Variants in SOCS5 observed in about 807,000 individuals in gnomAD.
SOCS5 encodes the protein suppressor of cytokine signaling 5, also known as CIS-6.
In SOCS5, 32 loss-of-function variants were observed where a neutral mutation model predicts 42.8. The observed-to-expected ratio is 0.75, with a 90% CI of 0.56 to 1.01. The LOEUF (loss-of-function observed/expected upper bound fraction) is 1.01. SOCS5 is among the 50% of genes least tolerant of loss of function. The pLI, the probability that SOCS5 is intolerant of heterozygous loss-of-function variation, is 0.00. For synonymous variants in SOCS5, 283 were observed against 229.6 expected, an observed-to-expected ratio of 1.23 and a Z score of -2.10; for missense variants, 627 against 653.0, an observed-to-expected ratio of 0.96 and a Z score of 0.43.
At chr2:46,707,478 G>C (rs1477721480) in intron 1 of SOCS5, among the ~76,000 whole-genome samples, 5 of 152,160 alleles carry the variant, frequency 3.3e-5, no homozygotes, top group African/African-American at 1.2e-4. Context: ...TAGATGATTA[G>C]AAATGAAAGG....
upstream of SOCS5, chr2:46,699,179 A>G (rs2103679701): frequency 6.7e-6 from 1 of 148,196 alleles, no homozygotes; most frequent in East Asian, 2.2e-4. The surrounding 1 kb of genome is among the most constrained non-coding windows in gnomAD (Gnocchi z 4.8). Flanking sequence ...GGTATTTTCC[A>G]TTCTGGTGGG....
At chr2:46,726,800 A>G (rs1673002355) in intron 1 of SOCS5, among the ~76,000 whole-genome samples, 2 of 151,312 alleles carry the variant, frequency 1.3e-5, no homozygotes, top group Admixed American at 6.6e-5. Flanking sequence ...CTTGTTGCCC[A>G]GGCTGGAGTG....
At chr2:46,735,922 T>C (rs1285852241) in intron 1 of SOCS5, among the ~76,000 whole-genome samples, 2 of 152,162 alleles carry the variant, frequency 1.3e-5, no homozygotes, top group African/African-American at 4.8e-5. Context: ...AATATGATTC[T>C]CTGTGTTATA....
intron 1 of SOCS5, among the ~76,000 whole-genome samples, chr2:46,749,536 A>G (rs1019388715): frequency 6.6e-6 from 1 of 152,234 alleles, no homozygotes; most frequent in Non-Finnish European, 1.5e-5. Flanking sequence ...TTAGTATATT[A>G]CATAAGATAT....
At chr2:46,713,416 T>C (rs554571542) in intron 1 of SOCS5, among the ~76,000 whole-genome samples, 7 of 152,340 alleles carry the variant, frequency 4.6e-5, no homozygotes, top group African/African-American at 1.4e-4. Context: ...TTTGGTAATT[T>C]GCATTTTGGA....
At chr2:46,747,680 A>AT (rs1340208909) in intron 1 of SOCS5, among the ~76,000 whole-genome samples, 1 of 152,164 alleles carries the variant, frequency 6.6e-6, no homozygotes, top group Non-Finnish European at 1.5e-5. Flanking sequence ...CTATAACCAC[A>AT]TCCCCAACCC....
chr2:46,744,820 G>A (rs912229294), intron 1 of SOCS5, among the ~76,000 whole-genome samples: 3 of 151,538 alleles, frequency 2.0e-5, no homozygotes, highest in Non-Finnish European at 4.4e-5. Context: ...GAGCCACCGC[G>A]CCCGGCTGTA....
rs926817127 is a variant in SOCS5 at position 46,711,935 on chromosome 2, G to A, written c.-13+12486G>A. 1.6e-4 allele frequency among the ~76,000 whole-genome samples: 25 copies of A among 152,160 alleles called. 1 individual carries two copies. Among genetic ancestry groups the A allele is most frequent in the African/African-American group, 6.0e-4 (25 of 41,434 alleles). ...TCTCTAAACTCTATTCTGTTCATCT[G>A]TTTGTCTTTCTGCCACTATGACACT... On this transcript the variant is annotated intron_variant, in intron 1 of 1. Coordinates refer to ENST00000394861, the MANE Select transcript of SOCS5 (RefSeq NM_144949.3).
intron 1 of SOCS5, among the ~76,000 whole-genome samples, chr2:46,727,298 G>C (rs987984708): frequency 6.6e-6 from 1 of 152,020 alleles, no homozygotes. Flanking sequence ...TTTTATAATA[G>C]CTGCTTTAAA....
intron 1 of SOCS5, among the ~76,000 whole-genome samples, chr2:46,736,752 C>T (rs1375367175): frequency 1.3e-5 from 2 of 152,160 alleles, no homozygotes; most frequent in Admixed American, 6.5e-5. Context: ...TGTGCTACCC[C>T]TAAACACCTA....
chr2:46,761,126 A>G lies in SOCS5; in HGVS notation c.*985A>G, dbSNP rs1365381289. The stretch of plus-strand genomic sequence containing the variant: ...ACTCTCATAACTGAATTGCTTAAGT[A>G]TAATTTATAGAATTTCAGTGCAGTT... On this transcript the variant is annotated 3_prime_UTR_variant, in exon 2 of 2. Coordinates refer to ENST00000394861, the MANE Select transcript of SOCS5 (RefSeq NM_144949.3). 1.2e-5 allele frequency: 2 copies of G among 167,128 alleles called. No homozygotes were observed. The highest frequency in any genetic ancestry group is 1.9e-4 in the East Asian group (1 of 5,208). The allele number at this position is 167,128 out of a possible 1,614,324, so 10.4% of individuals were successfully genotyped here.
rs759203329 is a variant in SOCS5, at chr2:46,727,144, C to CTTTTTTTTTT, written c.-13+27708_-13+27717dup. 5.7e-4 allele frequency among the ~76,000 whole-genome samples: 49 copies of CTTTTTTTTTT among 86,418 alleles called. 1 individual carries two copies. Among genetic ancestry groups the CTTTTTTTTTT allele is most frequent in the African/African-American group, 1.9e-3 (41 of 21,506 alleles). 56.7% of individuals were successfully genotyped at this position (86,418 alleles called of 152,430 possible). On this transcript the variant is annotated intron_variant, in intron 1 of 1. Transcript: ENST00000394861. ...GAGTGTTTTCCCTTGTTGGAGCCTT[C>CTTTTTTTTTT]TTTTTTTTTTTTTTTTTTTTTTGAA...
At chr2:46,756,594 G>A (rs1673736162) in intron 1 of SOCS5, among the ~76,000 whole-genome samples, 2 of 152,212 alleles carry the variant, frequency 1.3e-5, no homozygotes, top group African/African-American at 4.8e-5. Context: ...TAGCCACATG[G>A]TGGGTGGTGC....
intron 1 of SOCS5, among the ~76,000 whole-genome samples, chr2:46,724,945 T>G (rs906505771): frequency 9.2e-5 from 14 of 152,044 alleles, no homozygotes; most frequent in Non-Finnish European, 1.9e-4. Flanking sequence ...GTTGCATAGT[T>G]TTTTGAGAGG....
chr2:46,728,849 G>A (rs1332078188), intron 1 of SOCS5, among the ~76,000 whole-genome samples: 3 of 152,116 alleles, frequency 2.0e-5, no homozygotes, highest in African/African-American at 4.8e-5. Flanking sequence ...GAGCCACCAC[G>A]CTGGCCAGCG....
At chr2:46,730,532 G>A (rs536320635) in intron 1 of SOCS5, among the ~76,000 whole-genome samples, 12 of 152,272 alleles carry the variant, frequency 7.9e-5, no homozygotes, top group Non-Finnish European at 1.6e-4. Context: ...CTCAGGAGGC[G>A]GAGGTTGCAG....
At chr2:46,757,813 C>G (rs1673763786) in intron 1 of SOCS5, among the ~76,000 whole-genome samples, 2 of 152,136 alleles carry the variant, frequency 1.3e-5, no homozygotes, top group Non-Finnish European at 2.9e-5. Flanking sequence ...TTGCAGTGAG[C>G]CAAGATCTCA....
At chr2:46,745,522 A>T (rs1673477161) in intron 1 of SOCS5, among the ~76,000 whole-genome samples, 1 of 152,188 alleles carries the variant, frequency 6.6e-6, no homozygotes, top group Non-Finnish European at 1.5e-5. Flanking sequence ...ATTGGAGAGG[A>T]GTATGATCAG....
chr2:46,759,192 C>T lies in SOCS5; in HGVS notation c.662C>T (p.Pro221Leu), dbSNP rs766672771. Reference sequence around the variant, plus strand: ...TTAATGCTTGAGAAATGCCCTTTTCCTGCTGGCTCAGATTTAGCCCAAAAA... The same window carrying T: ...TTAATGCTTGAGAAATGCCCTTTTCTTGCTGGCTCAGATTTAGCCCAAAAA... ...SELMLEKCPF[P>L]AGSDLAQKWH... Residue 221 changes from proline (P) to leucine (L), a missense_variant, in exon 2 of 2, where the codon CCT (proline) becomes CTT (leucine). By Grantham distance (98) the Pro-to-Leu change is moderately conservative. Coordinates refer to ENST00000394861, the MANE Select transcript of SOCS5 (RefSeq NM_144949.3). 1 of 1,613,952 alleles carries T rather than the reference C, an allele frequency of 6.2e-7. No homozygotes were observed. Among genetic ancestry groups the T allele is most frequent in the South Asian group, 1.1e-5 (1 of 91,068 alleles).
Sources: gnomAD v4.1 joint callset for allele counts (sites outside exome capture counted in the v4.1 genomes callset) on GRCh38, gnomAD v4.1.1 for gene constraint, Gnocchi (gnomAD v3.1) non-coding constraint, MANE v1.5 for transcripts, NCBI Gene and HGNC (gene_info 2026-07-23, HGNC 2026-07-21) for gene names.